Variants in SLC12A2 observed in about 807,000 individuals in gnomAD.
The protein encoded by SLC12A2 is Na-K-2Cl cotransporter 1.
SLC12A2 carries 67 observed loss-of-function variants against 136.3 expected under a neutral mutation model. The ratio of observed to expected loss-of-function variants is 0.49; its 90% CI spans 0.40 to 0.60. SLC12A2 has a LOEUF of 0.60. SLC12A2 is among the 20% of genes least tolerant of loss of function. The pLI is 0.00. For synonymous variants in SLC12A2, 619 were observed against 562.9 expected, an observed-to-expected ratio of 1.10 and a Z score of -1.41; for missense variants, 1,322 against 1,534.7, an observed-to-expected ratio of 0.86 and a Z score of 2.32.
chr5:128,138,536 C>G (rs1461983369), intron 7 of SLC12A2, 61 bp from the exon 8 acceptor site: 1 of 1,478,008 alleles, frequency 6.8e-7, no homozygotes, highest in African/African-American at 1.4e-5. Context: ...TATTCTTGAC[C>G]TCAGTTATTA....
intron 15 of SLC12A2, among the ~76,000 whole-genome samples, chr5:128,157,330 A>C (rs1156672938): frequency 1.3e-5 from 2 of 152,204 alleles, no homozygotes; most frequent in African/African-American, 2.4e-5. Context: ...CAAATATATG[A>C]AAGGCATGCC....
intron 17 of SLC12A2, among the ~76,000 whole-genome samples, chr5:128,165,660 A>G (rs1232876017): frequency 6.6e-6 from 1 of 152,226 alleles, no homozygotes; most frequent in East Asian, 1.9e-4. Flanking sequence ...TTTAGGGATG[A>G]GAGTGATAGA....
chr5:128,110,294 A>C (rs1223359077), intron 1 of SLC12A2: 1 of 821,074 alleles, frequency 1.2e-6, no homozygotes, highest in African/African-American at 1.7e-5. Context: ...CGTGATGCCT[A>C]CCTACGACTT....
intron 4 of SLC12A2, among the ~76,000 whole-genome samples, chr5:128,128,046 A>G (rs1761883813): frequency 6.6e-6 from 1 of 152,166 alleles, no homozygotes; most frequent in South Asian, 2.1e-4. Context: ...TTTCGTTATC[A>G]AATCAGTTCA....
intron 4 of SLC12A2, among the ~76,000 whole-genome samples, chr5:128,130,580 G>A (rs1234674509): frequency 6.6e-6 from 1 of 151,508 alleles, no homozygotes; most frequent in Admixed American, 6.6e-5. Flanking sequence ...TGCTCAGGAG[G>A]CTGAGGCACG....
chr5:128,159,238 A>G (rs1219976149), intron 16 of SLC12A2, among the ~76,000 whole-genome samples: 1 of 151,978 alleles, frequency 6.6e-6, no homozygotes, highest in Non-Finnish European at 1.5e-5. Context: ...CCCCTTCTTT[A>G]CACCTTATAC....
intron 1 of SLC12A2, chr5:128,110,908 TGA>T: frequency 9.9e-7 from 1 of 1,014,710 alleles, no homozygotes; most frequent in Admixed American, 1.7e-5. Flanking sequence ...GCCGCAAATC[TGA>T]GAGGGCATGA....
chr5:128,132,483 G>A (rs1295571181), intron 5 of SLC12A2, among the ~76,000 whole-genome samples: 2 of 152,202 alleles, frequency 1.3e-5, no homozygotes, highest in Non-Finnish European at 2.9e-5. Context: ...ACACAGGACA[G>A]TTTAGTTTGA....
chr5:128,123,632 G>A (rs527695376), intron 4 of SLC12A2, among the ~76,000 whole-genome samples: 6 of 152,228 alleles, frequency 3.9e-5, no homozygotes, highest in African/African-American at 1.4e-4. Context: ...ATTTTGAAGG[G>A]TTATTTATTG....
intron 4 of SLC12A2, 149 bp downstream of exon 4, chr5:128,114,830 G>A (rs1385518706): frequency 1.8e-6 from 1 of 565,354 alleles, no homozygotes; most frequent in Admixed American, 3.2e-5. Flanking sequence ...TTCCAGACTA[G>A]TATATTTCAA....
chr5:128,140,562 G>A (rs1456788591), intron 9 of SLC12A2, among the ~76,000 whole-genome samples: 2 of 152,114 alleles, frequency 1.3e-5, no homozygotes, highest in Non-Finnish European at 2.9e-5. Flanking sequence ...AACATTGCTG[G>A]CCCTCATGCT....
In SLC12A2 at chr5:128,180,887, GACCTTATTGATACCTT is replaced by G; in HGVS notation, c.3111_3126del (p.Leu1037PhefsTer2). The G allele has an allele frequency of 3.2e-6, 5 of 1,558,552 alleles. No individual in the cohort carries two copies. Among genetic ancestry groups the G allele is most frequent in the Non-Finnish European group, 4.4e-6 (5 of 1,131,850 alleles). The stretch of plus-strand genomic sequence containing the variant: ...TATTACATTTTTATAATTCAGGTTT[GACCTTATTGATACCTT>G]ACCTTCTGACGACCAAGAAAAAATG... On this transcript the variant is annotated frameshift_variant, in exon 23 of 27. Transcript: ENST00000262461. LOFTEE classifies it high-confidence loss of function.
chr5:128,138,765 A>G, intron 8 of SLC12A2, 41 bp downstream of exon 8: 1 of 1,599,532 alleles, frequency 6.3e-7, no homozygotes. Context: ...ATATTTTAAA[A>G]GTGGAATTTG....
intron 4 of SLC12A2, among the ~76,000 whole-genome samples, chr5:128,126,525 A>G (rs1473234389): frequency 6.6e-6 from 1 of 152,210 alleles, no homozygotes; most frequent in Non-Finnish European, 1.5e-5. Context: ...TGCTGTGTAT[A>G]TACCCAAAAG....
intron 1 of SLC12A2, among the ~76,000 whole-genome samples, chr5:128,086,228 A>C (rs754431038): frequency 6.6e-6 from 1 of 152,198 alleles, no homozygotes; most frequent in Non-Finnish European, 1.5e-5. Flanking sequence ...TATGCTTCCT[A>C]GGGAAGTTTT....
chr5:128,163,581 C>A (rs1001598572), intron 17 of SLC12A2, among the ~76,000 whole-genome samples: 1 of 151,540 alleles, frequency 6.6e-6, no homozygotes, highest in African/African-American at 2.4e-5. Flanking sequence ...GAAAAAGAAT[C>A]GGAAGTAACA....
At chr5:128,094,783 T>C (rs1200677633) in intron 1 of SLC12A2, among the ~76,000 whole-genome samples, 1 of 152,144 alleles carries the variant, frequency 6.6e-6, no homozygotes, top group Non-Finnish European at 1.5e-5. Flanking sequence ...TTAAATGTAA[T>C]ATGGGTTGTA....
At chr5:128,150,401 G>A (rs1269904501) in intron 13 of SLC12A2, among the ~76,000 whole-genome samples, 1 of 151,592 alleles carries the variant, frequency 6.6e-6, no homozygotes, top group East Asian at 1.9e-4. Flanking sequence ...TTAGTTCTAA[G>A]AACATCATTA....
At position 128,110,991 on chromosome 5, in the gene SLC12A2, A is replaced by G. The variant is rs1761123248; in HGVS notation, c.757-1823A>G. 7 of 761,846 alleles carry G rather than the reference A, an allele frequency of 9.2e-6. No homozygotes were observed. In the Admixed American group the frequency reaches 1.1e-4, roughly 12 times the overall value. 47.2% of individuals were successfully genotyped at this position (761,846 alleles called of 1,614,324 possible). A position where few individuals can be genotyped will look rare whatever the true frequency, so the allele number is the denominator to read the frequency against. On this transcript the variant is annotated intron_variant, in intron 1 of 26. Coordinates refer to ENST00000262461, the MANE Select transcript of SLC12A2 (RefSeq NM_001046.3). ...GCCATAGGAAAAAGACCAAAGATGA[A>G]CTCTGATATGCAAAATAACTTCTAT... is the stretch of plus-strand genomic sequence containing the variant.
Sources: gnomAD v4.1 joint callset for allele counts (sites outside exome capture counted in the v4.1 genomes callset) on GRCh38, gnomAD v4.1.1 for gene constraint, MANE v1.5 for transcripts, NCBI Gene and HGNC (gene_info 2026-07-23, HGNC 2026-07-21) for gene names.